The following LRMDA variants were observed in gnomAD, a reference collection of about 807,000 sequenced individuals.
The protein encoded by LRMDA is leucine-rich melanocyte differentiation-associated protein.
LRMDA carries 18 observed loss-of-function variants against 29.8 expected under a neutral mutation model. That is an observed-to-expected ratio of 0.60 (90% CI 0.42 to 0.90). LRMDA has a LOEUF of 0.90. Ranked by LOEUF, LRMDA falls within the 40% of genes least tolerant of loss-of-function variation. The pLI, the probability that LRMDA is intolerant of heterozygous loss-of-function variation, is 0.00. For missense variants in LRMDA, 273 were observed against 273.9 expected, an observed-to-expected ratio of 1.00 and a Z score of 0.02; for synonymous variants, 125 against 109.4, an observed-to-expected ratio of 1.14 and a Z score of -0.89.
chr10:75,995,122 A>T (rs185314054), intron 2 of LRMDA, among the ~76,000 whole-genome samples: 5 of 152,226 alleles, frequency 3.3e-5, no homozygotes, highest in African/African-American at 1.2e-4. Context: ...GATGGGAATA[A>T]AAATGAGACA....
intron 2 of LRMDA, among the ~76,000 whole-genome samples, chr10:76,014,128 A>ATATATATATATATAAAATTT (rs71024581): frequency 1.1e-5 from 1 of 94,886 alleles, no homozygotes; most frequent in Non-Finnish European, 2.0e-5. Context: ...ATATATAATT[A>ATATATATATATATAAAATTT]TATATATATA....
At chr10:76,175,910 G>A (rs568447628) in intron 5 of LRMDA, among the ~76,000 whole-genome samples, 12 of 152,306 alleles carry the variant, frequency 7.9e-5, no homozygotes, top group African/African-American at 2.4e-4. Context: ...GCACTTGAGT[G>A]ACAGTATGAC....
intron 2 of LRMDA, among the ~76,000 whole-genome samples, chr10:75,700,248 TTG>T (rs1206286857): frequency 5.6e-5 from 8 of 142,904 alleles, no homozygotes; most frequent in African/African-American, 2.3e-4. Context: ...AATTAAACCT[TTG>T]TGTGAGTTTT....
At chr10:75,740,681 G>A (rs1842818108) in intron 2 of LRMDA, among the ~76,000 whole-genome samples, 2 of 152,182 alleles carry the variant, frequency 1.3e-5, no homozygotes, top group South Asian at 2.1e-4. Context: ...TCAGGCTCAT[G>A]GCATTTCAGC....
intron 6 of LRMDA, among the ~76,000 whole-genome samples, chr10:76,421,264 A>G (rs1842069165): frequency 6.6e-6 from 1 of 152,112 alleles, no homozygotes; most frequent in Non-Finnish European, 1.5e-5. Context: ...TCATTATGAA[A>G]TATTTTCCCT....
chr10:76,550,455 A>G (rs980592591), intron 6 of LRMDA, among the ~76,000 whole-genome samples: 2 of 152,084 alleles, frequency 1.3e-5, no homozygotes, highest in Non-Finnish European at 2.9e-5. Context: ...TTTAGCAAGG[A>G]CAGTGTGCAG....
intron 2 of LRMDA, among the ~76,000 whole-genome samples, chr10:75,580,636 G>C (rs2132076686): frequency 6.6e-6 from 1 of 152,278 alleles, no homozygotes; most frequent in South Asian, 2.1e-4. Context: ...AAAGAACAAA[G>C]CTGGAGGCAT....
intron 5 of LRMDA, among the ~76,000 whole-genome samples, chr10:76,152,495 TG>T (rs1230062217): frequency 6.6e-6 from 1 of 152,252 alleles, no homozygotes; most frequent in Non-Finnish European, 1.5e-5. Flanking sequence ...TAATATTTTT[TG>T]TATACGTTTT....
chr10:76,087,675 T>C (rs1849159596), intron 5 of LRMDA, among the ~76,000 whole-genome samples: 1 of 152,098 alleles, frequency 6.6e-6, no homozygotes, highest in Non-Finnish European at 1.5e-5. Flanking sequence ...GGAAGAGGGA[T>C]CCGTGTCTGT....
intron 2 of LRMDA, among the ~76,000 whole-genome samples, chr10:75,579,031 C>A (rs1370692243): frequency 6.6e-6 from 1 of 152,042 alleles, no homozygotes; most frequent in Non-Finnish European, 1.5e-5. Flanking sequence ...CAAACAAATT[C>A]AAAATCTAGC....
intron 5 of LRMDA, among the ~76,000 whole-genome samples, chr10:76,265,011 A>G (rs1274533863): frequency 6.6e-6 from 1 of 152,150 alleles, no homozygotes; most frequent in African/African-American, 2.4e-5. Context: ...CATTCCAACC[A>G]TATTAATTCC....
intron 5 of LRMDA, among the ~76,000 whole-genome samples, chr10:76,062,630 A>G (rs1848719121): frequency 1.3e-5 from 2 of 148,616 alleles, no homozygotes; most frequent in African/African-American, 2.5e-5. Flanking sequence ...TGAATGCTAC[A>G]ATGGATGCTT....
chr10:75,937,739 A>G (rs1472315207), intron 2 of LRMDA, among the ~76,000 whole-genome samples: 1 of 152,190 alleles, frequency 6.6e-6, no homozygotes, highest in African/African-American at 2.4e-5. Context: ...CGGGCGTGTA[A>G]GGAAAGAAGC....
At chr10:75,607,701 C>G (rs952505552) in intron 2 of LRMDA, among the ~76,000 whole-genome samples, 3 of 152,172 alleles carry the variant, frequency 2.0e-5, no homozygotes, top group African/African-American at 7.2e-5. Flanking sequence ...TGTCTTCATT[C>G]CTCATGTGCA....
intron 2 of LRMDA, among the ~76,000 whole-genome samples, chr10:75,523,329 A>C (rs1168136596): frequency 6.6e-6 from 1 of 152,146 alleles, no homozygotes; most frequent in South Asian, 2.1e-4. Flanking sequence ...CCATAACTAC[A>C]TGGTGGCTTA....
chr10:76,254,425 T>C (rs1852552432), intron 5 of LRMDA, among the ~76,000 whole-genome samples: 1 of 152,138 alleles, frequency 6.6e-6, no homozygotes, highest in Non-Finnish European at 1.5e-5. Flanking sequence ...TATACTATAC[T>C]ATACTGAAAT....
At chr10:75,463,166 A>G (rs1844607926) in intron 2 of LRMDA, among the ~76,000 whole-genome samples, 1 of 152,170 alleles carries the variant, frequency 6.6e-6, no homozygotes, top group Admixed American at 6.5e-5. Context: ...AGAGTTGGTG[A>G]GGACAGGGTG....
At chr10:76,074,409 C>T (rs998068420) in intron 5 of LRMDA, among the ~76,000 whole-genome samples, 5 of 152,154 alleles carry the variant, frequency 3.3e-5, no homozygotes, top group African/African-American at 1.2e-4. Flanking sequence ...CAGCATTATT[C>T]ACAGCAGAGC....
intron 2 of LRMDA, among the ~76,000 whole-genome samples, chr10:75,510,486 T>C (rs1331838408): frequency 2.0e-5 from 3 of 152,210 alleles, no homozygotes; most frequent in Non-Finnish European, 4.4e-5. Context: ...AATGGTTGCT[T>C]AAGAGCACTA....
Sources: allele counts gnomAD v4.1 joint callset (sites outside exome capture counted in the v4.1 genomes callset), GRCh38; gene constraint gnomAD v4.1.1; transcripts MANE v1.5; gene names NCBI Gene and HGNC (gene_info 2026-07-23, HGNC 2026-07-21).